Variants in PLCXD3 observed in about 807,000 individuals in gnomAD.
PLCXD3 encodes the protein phosphatidylinositol specific phospholipase C X domain containing 3.
Under a neutral mutation model 25.5 loss-of-function variants are expected in PLCXD3, and 19 were observed. The ratio of observed to expected loss-of-function variants is 0.75; its 90% CI spans 0.52 to 1.09. The LOEUF is 1.09. Ranked by LOEUF, PLCXD3 falls within the 50% of genes least tolerant of loss-of-function variation. PLCXD3 has a pLI of 0.00. For synonymous variants in PLCXD3, 174 were observed against 137.6 expected, an observed-to-expected ratio of 1.26 and a Z score of -1.85; for missense variants, 411 against 388.1, an observed-to-expected ratio of 1.06 and a Z score of -0.50.
intron 1 of PLCXD3, among the ~76,000 whole-genome samples, chr5:41,489,757 A>T (rs1055363853): frequency 2.0e-5 from 3 of 151,910 alleles, no homozygotes; most frequent in African/African-American, 7.3e-5. Context: ...GTGTATAAGA[A>T]TGCTTGTGAT....
intron 1 of PLCXD3, among the ~76,000 whole-genome samples, chr5:41,409,195 T>G (rs1208052497): frequency 6.6e-6 from 1 of 152,208 alleles, no homozygotes; most frequent in Non-Finnish European, 1.5e-5. Flanking sequence ...ACTGTCTAGT[T>G]CTTTTCCTAT....
chr5:41,453,974 T>A (rs927339007), intron 1 of PLCXD3, among the ~76,000 whole-genome samples: 2 of 151,962 alleles, frequency 1.3e-5, no homozygotes, highest in Non-Finnish European at 2.9e-5. Context: ...AGAATTTATA[T>A]TCATCAACAA....
chr5:41,343,261 G>T (rs931425639), intron 2 of PLCXD3, among the ~76,000 whole-genome samples: 2 of 151,932 alleles, frequency 1.3e-5, no homozygotes. Context: ...TTGAATGAAA[G>T]ATATTAAAAT....
chr5:41,363,743 T>C (rs201995316), intron 2 of PLCXD3, among the ~76,000 whole-genome samples: 2 of 152,222 alleles, frequency 1.3e-5, no homozygotes, highest in East Asian at 3.8e-4. Context: ...CAAAAAGCAA[T>C]TTATCCTGAA....
At chr5:41,343,332 T>C (rs1168332380) in intron 2 of PLCXD3, among the ~76,000 whole-genome samples, 1 of 152,186 alleles carries the variant, frequency 6.6e-6, no homozygotes, top group Non-Finnish European at 1.5e-5. Context: ...TTATGTTTAC[T>C]TGAAAACTAG....
At chr5:41,475,320 C>T (rs1030808235) in intron 1 of PLCXD3, among the ~76,000 whole-genome samples, 14 of 152,086 alleles carry the variant, frequency 9.2e-5, no homozygotes, top group Admixed American at 3.9e-4. Context: ...TTTTCTGTTC[C>T]AGCAAACCTT....
At chr5:41,350,565 G>A (rs1474827420) in intron 2 of PLCXD3, among the ~76,000 whole-genome samples, 6 of 152,016 alleles carry the variant, frequency 3.9e-5, no homozygotes, top group Admixed American at 3.9e-4. Context: ...TGGGTAATTA[G>A]GTACAGATTA....
chr5:41,320,252 T>A (rs920599279), intron 2 of PLCXD3, among the ~76,000 whole-genome samples: 10 of 151,844 alleles, frequency 6.6e-5, no homozygotes, highest in African/African-American at 2.2e-4. Context: ...ATTTCCAAAC[T>A]CACTCTATGA....
intron 2 of PLCXD3, among the ~76,000 whole-genome samples, chr5:41,356,666 A>G (rs953247946): frequency 1.3e-5 from 2 of 152,216 alleles, no homozygotes; most frequent in African/African-American, 4.8e-5. Context: ...ACAGAATATC[A>G]TATCTGAACA....
intron 2 of PLCXD3, among the ~76,000 whole-genome samples, chr5:41,378,195 C>A (rs748297633): frequency 2.0e-5 from 3 of 152,052 alleles, no homozygotes; most frequent in Non-Finnish European, 4.4e-5. Context: ...CCAGAGCTGA[C>A]AATAAGCTTT....
intron 1 of PLCXD3, among the ~76,000 whole-genome samples, chr5:41,454,899 G>A (rs1435894654): frequency 6.6e-6 from 1 of 151,990 alleles, no homozygotes; most frequent in Admixed American, 6.6e-5. Context: ...CAGCATGGCT[G>A]GAGTGGCCTT....
At chr5:41,461,322 CT>C (rs1239095701) in intron 1 of PLCXD3, among the ~76,000 whole-genome samples, 1 of 151,796 alleles carries the variant, frequency 6.6e-6, no homozygotes, top group East Asian at 1.9e-4. Context: ...TTCTTTCTTT[CT>C]TTTTTTGGTA....
intron 2 of PLCXD3, among the ~76,000 whole-genome samples, chr5:41,326,291 C>T (rs899134585): frequency 1.3e-5 from 2 of 152,124 alleles, no homozygotes; most frequent in African/African-American, 4.8e-5. Context: ...GAGATGTTGC[C>T]ACAGTCTTGT....
At chr5:41,365,861 T>C (rs1286520447) in intron 2 of PLCXD3, among the ~76,000 whole-genome samples, 1 of 152,124 alleles carries the variant, frequency 6.6e-6, no homozygotes, top group Non-Finnish European at 1.5e-5. Flanking sequence ...ACCCTTTTTG[T>C]AAAATAGAGT....
At position 41,348,407 on chromosome 5, in the gene PLCXD3, T is replaced by C. The variant is rs568854449; in HGVS notation, c.812+33419A>G. Among the ~76,000 whole-genome samples the C allele has an allele frequency of 3.3e-3, 510 of 152,258 alleles. 3 individuals are homozygous for C. Among genetic ancestry groups the C allele is most frequent in the African/African-American group, 9.6e-3 (399 of 41,546 alleles). Reference sequence around the variant, plus strand: ...TCTTTGTATCTAATGTCAGATGTCATGAGAGTAGGATTTTGAATCAGTGAG... The same window carrying C: ...TCTTTGTATCTAATGTCAGATGTCACGAGAGTAGGATTTTGAATCAGTGAG... On this transcript the variant is annotated intron_variant, in intron 2 of 2. Coordinates refer to ENST00000377801, the MANE Select transcript of PLCXD3 (RefSeq NM_001005473.3).
At chr5:41,408,182 AT>A (rs796944125) in intron 1 of PLCXD3, among the ~76,000 whole-genome samples, 43 of 152,312 alleles carry the variant, frequency 2.8e-4, no homozygotes, top group African/African-American at 9.4e-4. Flanking sequence ...ATATGAATTT[AT>A]TTTTAAAGAT....
intron 2 of PLCXD3, among the ~76,000 whole-genome samples, chr5:41,378,619 T>A (rs1281817247): frequency 6.6e-6 from 1 of 152,144 alleles, no homozygotes; most frequent in Non-Finnish European, 1.5e-5. Flanking sequence ...CATGTGCTGT[T>A]AATAAGTGTT....
intron 1 of PLCXD3, among the ~76,000 whole-genome samples, chr5:41,440,345 G>C (rs1045733358): frequency 1.4e-5 from 2 of 141,122 alleles, no homozygotes; most frequent in Admixed American, 7.7e-5. Context: ...TGATTCTCCT[G>C]CCTCAGCCTC....
chr5:41,315,108 C>G (rs896513457), intron 2 of PLCXD3, among the ~76,000 whole-genome samples: 2 of 152,022 alleles, frequency 1.3e-5, no homozygotes, highest in South Asian at 2.1e-4. Context: ...AGCAATGGAT[C>G]CAGGCAGACA....
Sources: allele counts gnomAD v4.1 joint callset (sites outside exome capture counted in the v4.1 genomes callset), GRCh38; gene constraint gnomAD v4.1.1; transcripts MANE v1.5; gene names NCBI Gene and HGNC (gene_info 2026-07-23, HGNC 2026-07-21).